Variants in TRAPPC10 observed in about 807,000 individuals in gnomAD.
TRAPPC10 encodes the protein TRAPP 130 kDa subunit.
A neutral mutation model predicts 125.5 loss-of-function variants in TRAPPC10; 23 were observed. That is an observed-to-expected ratio of 0.18 (90% CI 0.13 to 0.26). The LOEUF (loss-of-function observed/expected upper bound fraction) is 0.26. TRAPPC10 is among the 10% of genes least tolerant of loss of function. The probability of loss-of-function intolerance (pLI) is 1.00; values close to 1 mark genes in which losing one functional copy is unlikely to be tolerated. For missense variants in TRAPPC10, 1,123 were observed against 1,308.4 expected (o/e 0.86, Z 2.19); for synonymous variants, 509 against 518.0 (o/e 0.98, Z 0.24).
intron 3 of TRAPPC10, among the ~76,000 whole-genome samples, chr21:44,051,012 C>A (rs1027094116): frequency 6.6e-6 from 1 of 152,110 alleles, no homozygotes; most frequent in Non-Finnish European, 1.5e-5. Flanking sequence ...CAAGCAATTC[C>A]CCTGCCTCAG....
intron 6 of TRAPPC10, among the ~76,000 whole-genome samples, chr21:44,060,524 C>T (rs538560087): frequency 6.6e-6 from 1 of 152,242 alleles, no homozygotes; most frequent in East Asian, 1.9e-4. Context: ...TCGTGATCCG[C>T]CTCAGCCTCC....
Position 44,063,558 on chromosome 21 carries a change from T to C in TRAPPC10, c.811T>C (p.Phe271Leu). The change falls in exon 7 of 23, where the codon TTT becomes CTT. Residue 271 changes from phenylalanine to leucine, a missense_variant. Physicochemically the swap from Phe to Leu is conservative, Grantham distance 22. Coordinates refer to ENST00000291574, the MANE Select transcript of TRAPPC10 (RefSeq NM_003274.5). The surrounding 1 kb of genome is among the most constrained non-coding windows in gnomAD (Gnocchi z 4.4). ...TTTAGATGGTGCCAACTGGCTGACT[T>C]TTTTCTGCCAGCCAGTGAAGAGCTG... ...GAGDGANWLT[F>L]FCQPVKSWNG... The C allele has an allele frequency of 6.2e-7, 1 of 1,614,138 alleles. No homozygotes were observed.
At chr21:44,034,001 A>G (rs1213740291) in intron 2 of TRAPPC10, among the ~76,000 whole-genome samples, 1 of 152,256 alleles carries the variant, frequency 6.6e-6, no homozygotes, top group Non-Finnish European at 1.5e-5. Flanking sequence ...ATGCTAAACA[A>G]ATCACCCTAA....
At chr21:44,078,213 A>C (rs2037421230) in intron 11 of TRAPPC10, among the ~76,000 whole-genome samples, 1 of 152,158 alleles carries the variant, frequency 6.6e-6, no homozygotes. Context: ...AAGAGGGATG[A>C]TCTAGGGATG....
chr21:44,036,521 G>A (rs2033995994), intron 2 of TRAPPC10, among the ~76,000 whole-genome samples: 1 of 152,208 alleles, frequency 6.6e-6, no homozygotes, highest in African/African-American at 2.4e-5. Context: ...TGTACAGAAA[G>A]CCATTCCTGT....
intron 1 of TRAPPC10, among the ~76,000 whole-genome samples, chr21:44,017,747 TTTC>T (rs1263708181): frequency 2.6e-5 from 4 of 152,186 alleles, no homozygotes; most frequent in Admixed American, 1.3e-4. Flanking sequence ...GTTTTTTTTT[TTTC>T]TTCTTCTTTT....
intron 8 of TRAPPC10, 119 bp from the exon 9 acceptor site, chr21:44,074,920 G>T: frequency 6.7e-6 from 5 of 743,000 alleles, no homozygotes; most frequent in Non-Finnish European, 1.1e-5. Flanking sequence ...TGAGTCATTG[G>T]GTAGGAAAGC....
At position 44,059,482 on chromosome 21, in the gene TRAPPC10, C is replaced by CA; in HGVS notation, c.790+269dup. Reference sequence around the variant, plus strand: ...TTTTCCAGGTATAAAATGTCCTTTCCACAACTCAGTGGCCTGCTGGTGATG... The same window carrying CA: ...TTTTCCAGGTATAAAATGTCCTTTCCAACAACTCAGTGGCCTGCTGGTGATG... On this transcript the variant is annotated intron_variant, in intron 6 of 22. Transcript: ENST00000291574. The surrounding 1 kb of genome is among the most constrained non-coding windows in gnomAD (Gnocchi z 4.4). 1 of 753,486 alleles carries CA rather than the reference C, an allele frequency of 1.3e-6. No individual in the cohort carries two copies. 46.7% of individuals were successfully genotyped at this position (753,486 alleles called of 1,614,324 possible). A position where few individuals can be genotyped will look rare whatever the true frequency, so the allele number is the denominator to read the frequency against.
At chr21:44,045,561 T>G (rs2034729354) in intron 3 of TRAPPC10, among the ~76,000 whole-genome samples, 1 of 152,096 alleles carries the variant, frequency 6.6e-6, no homozygotes, top group Non-Finnish European at 1.5e-5. Flanking sequence ...TTCTTTCTTT[T>G]TTCTTTTTTT....
chr21:44,075,274 T>C, intron 9 of TRAPPC10, 121 bp downstream of exon 9: 1 of 684,374 alleles, frequency 1.5e-6, no homozygotes, highest in Non-Finnish European at 2.6e-6. Flanking sequence ...TTTGGAAAAT[T>C]ATACCCATTG....
intron 6 of TRAPPC10, chr21:44,062,908 A>T: frequency 8.1e-7 from 1 of 1,233,098 alleles, no homozygotes; most frequent in Middle Eastern, 2.5e-4. Flanking sequence ...ACTTGTTATT[A>T]TACATTGTTA....
intron 7 of TRAPPC10, among the ~76,000 whole-genome samples, chr21:44,071,363 T>A (rs1381819943): frequency 1.3e-5 from 2 of 152,260 alleles, no homozygotes; most frequent in Non-Finnish European, 2.9e-5. Context: ...GTTGTATGCA[T>A]TTTGCCACTT....
chr21:44,013,940 C>T (rs1216584439), intron 1 of TRAPPC10, among the ~76,000 whole-genome samples: 1 of 152,182 alleles, frequency 6.6e-6, no homozygotes, highest in African/African-American at 2.4e-5. Context: ...CTGCAATTTC[C>T]CAGGGGCTTT....
At chr21:44,018,691 CAA>C (rs542366792) in intron 1 of TRAPPC10, among the ~76,000 whole-genome samples, 31 of 71,796 alleles carry the variant, frequency 4.3e-4, no homozygotes, top group Admixed American at 4.8e-4. Context: ...GACTCCGTCT[CAA>C]AAAAAAAAAA....
intron 3 of TRAPPC10, among the ~76,000 whole-genome samples, chr21:44,051,946 GTTT>G (rs2035261415): frequency 6.6e-6 from 1 of 152,216 alleles, no homozygotes; most frequent in African/African-American, 2.4e-5. Flanking sequence ...GTGGGCCTGG[GTTT>G]TAAAGCCCTG....
At chr21:44,017,738 T>G (rs76982460) in intron 1 of TRAPPC10, among the ~76,000 whole-genome samples, 3 of 146,114 alleles carry the variant, frequency 2.1e-5, no homozygotes, top group African/African-American at 5.0e-5. Context: ...CTCCCTTTGG[T>G]TTTTTTTTTT....
At chr21:44,092,581 A>T (rs940293054) in intron 19 of TRAPPC10, among the ~76,000 whole-genome samples, 6 of 132,204 alleles carry the variant, frequency 4.5e-5, no homozygotes, top group African/African-American at 1.7e-4. Context: ...TCCTTAATGG[A>T]TGTCTGAATC....
intron 13 of TRAPPC10, among the ~76,000 whole-genome samples, chr21:44,080,608 G>T (rs2037629869): frequency 6.6e-6 from 1 of 151,518 alleles, no homozygotes; most frequent in African/African-American, 2.4e-5. Context: ...TGCCATCTCA[G>T]CTCACCACAA....
intron 13 of TRAPPC10, 108 bp downstream of exon 13, chr21:44,080,235 G>A (rs1482806081): frequency 1.0e-6 from 1 of 969,326 alleles, no homozygotes; most frequent in Non-Finnish European, 1.6e-6. Context: ...CTAACATTTT[G>A]CTGTGTAGCT....
Sources: allele counts gnomAD v4.1 joint callset (sites outside exome capture counted in the v4.1 genomes callset), GRCh38; gene constraint gnomAD v4.1.1; non-coding constraint Gnocchi (gnomAD v3.1); transcripts MANE v1.5; gene names NCBI Gene and HGNC (gene_info 2026-07-23, HGNC 2026-07-21).